The following SLC12A1 variants were observed in gnomAD, a reference collection of about 807,000 sequenced individuals.
SLC12A1 encodes the protein solute carrier family 12 member 1.
A neutral mutation model predicts 130.4 loss-of-function variants in SLC12A1; 89 were observed. The observed-to-expected ratio is 0.68, with a 90% CI of 0.58 to 0.81. SLC12A1 has a LOEUF of 0.81. Among genes scored for constraint, SLC12A1 ranks in the 40% least tolerant of loss-of-function variants. The pLI is 0.00. For synonymous variants in SLC12A1, 499 were observed against 460.0 expected (o/e 1.08, Z -1.09); for missense variants, 1,310 against 1,336.4 (o/e 0.98, Z 0.31).
At chr15:48,206,963 TGATGG>T (rs2140998010) in intron 1 of SLC12A1, among the ~76,000 whole-genome samples, 1 of 152,196 alleles carries the variant, frequency 6.6e-6, no homozygotes, top group East Asian at 1.9e-4. Context: ...GACATCATCT[TGATGG>T]GATGTATTTT....
intron 10 of SLC12A1, among the ~76,000 whole-genome samples, chr15:48,243,913 C>T (rs1248640681): frequency 6.6e-6 from 1 of 152,094 alleles, no homozygotes; most frequent in East Asian, 1.9e-4. Context: ...ATACTTCACA[C>T]GTATATTCAT....
chr15:48,263,941 C>T (rs2041803419), intron 17 of SLC12A1, among the ~76,000 whole-genome samples: 1 of 152,248 alleles, frequency 6.6e-6, no homozygotes, highest in South Asian at 2.1e-4. Flanking sequence ...GATTTGCCCT[C>T]CTCGACCTCC....
chr15:48,299,585 T>A (rs368381551), intron 25 of SLC12A1, among the ~76,000 whole-genome samples: 24 of 152,340 alleles, frequency 1.6e-4, no homozygotes, highest in South Asian at 1.4e-3. Context: ...TAAAATAATT[T>A]GAGTCAATAT....
rs538958602 is a variant in SLC12A1 at position 48,289,491 on chromosome 15, C to T, written c.2873+975C>T. ...ATAACAATGTATAACAATGTATATA[C>T]ACACACACAGTTATACACTGCTACA... On this transcript the variant is annotated intron_variant, in intron 23 of 26. Transcript: ENST00000380993. Among the ~76,000 whole-genome samples, 164 of 129,702 alleles carry T rather than the reference C, an allele frequency of 1.3e-3. 6 individuals are homozygous for T. In the East Asian group the frequency reaches 0.031, roughly 24 times the overall value. The allele number at this position is 129,702 out of a possible 152,430, so 85.1% of individuals were successfully genotyped here.
In SLC12A1 at chr15:48,249,628, G is replaced by T; in HGVS notation, c.1738G>T (p.Ala580Ser). Residue 580 changes from alanine (A) to serine (S), a missense_variant, in exon 14 of 27, where the codon GCA (alanine) becomes TCA (serine). Physicochemically the swap from Ala to Ser is moderately conservative, Grantham distance 99. Transcript: ENST00000380993. ...IISNFFLASY[A>S]LINFSCFHAS... ...CTCCAACTTTTTCCTGGCCTCATAT[G>T]CACTTATTAATTTCTCCTGCTTCCA... 1 of 1,613,898 alleles carries T rather than the reference G, an allele frequency of 6.2e-7. No individual in the cohort carries two copies.
intron 5 of SLC12A1, chr15:48,227,177 A>T: frequency 6.5e-7 from 1 of 1,534,418 alleles, no homozygotes; most frequent in Non-Finnish European, 8.8e-7. Flanking sequence ...AAGAGGAGGT[A>T]AGCCAATTAA....
Position 48,234,938 on chromosome 15 carries a change from C to G in SLC12A1, c.1149C>G (p.Val383=), listed in dbSNP as rs368339306. The stretch of plus-strand genomic sequence containing the variant: ...CAAAGGGTGAAGGCTTCTTCTCTGT[C>G]TTTGCCATTTTTTTCCCAGCAGCTA... ...RFTKGEGFFS[V]FAIFFPAATG... Residue 383 remains valine, a synonymous_variant, in exon 9 of 27, where the codon GTC becomes GTG. Transcript: ENST00000380993. 1 of 1,613,800 alleles carries G rather than the reference C, an allele frequency of 6.2e-7. No individual in the cohort carries two copies. The highest frequency in any genetic ancestry group is 1.1e-5 in the South Asian group (1 of 91,074).
chr15:48,266,809 A>T (rs2041836621), intron 17 of SLC12A1, among the ~76,000 whole-genome samples: 1 of 152,224 alleles, frequency 6.6e-6, no homozygotes, highest in African/African-American at 2.4e-5. Context: ...AAGGAAGGAG[A>T]AATAAAAATA....
chr15:48,220,616 G>C lies in SLC12A1; in HGVS notation c.421-18G>C. On this transcript the variant is annotated intron_variant, in intron 2 of 26. Transcript: ENST00000380993. ...TTCATTGACCAACTACTGTGTTTTTGCTATCTATAAAATGCAGAATGTGGC... is the reference window on the plus strand; with the variant it reads ...TTCATTGACCAACTACTGTGTTTTTCCTATCTATAAAATGCAGAATGTGGC... 1 of 1,607,352 alleles carries C rather than the reference G, an allele frequency of 6.2e-7. No individual in the cohort carries two copies. Among genetic ancestry groups the C allele is most frequent in the Non-Finnish European group, 8.5e-7 (1 of 1,176,552 alleles).
intron 13 of SLC12A1, among the ~76,000 whole-genome samples, chr15:48,249,042 A>AAAT (rs1015373680): frequency 5.9e-5 from 9 of 152,152 alleles, no homozygotes; most frequent in Admixed American, 3.9e-4. Context: ...CTCTATCTCA[A>AAAT]AATAATAATA....
chr15:48,229,793 T>C (rs1175289343), intron 6 of SLC12A1, among the ~76,000 whole-genome samples: 1 of 152,228 alleles, frequency 6.6e-6, no homozygotes, highest in East Asian at 1.9e-4. Flanking sequence ...AGGTGCCTAG[T>C]CTAGGATGTC....
rs80206045 is a variant in SLC12A1 at position 48,216,039 on chromosome 15, A to C, written c.421-4595A>C. ...ACTGTCAGACCTTAATAGTCAACAA[A>C]AGAAGTATACATTTGGGGTTTTTTT... On this transcript the variant is annotated intron_variant, in intron 2 of 26. Coordinates refer to ENST00000380993, the MANE Select transcript of SLC12A1 (RefSeq NM_000338.3). Among the ~76,000 whole-genome samples the C allele has an allele frequency of 5.9e-3, 900 of 152,314 alleles. 12 individuals carry two copies. The highest frequency in any genetic ancestry group is 0.021 in the African/African-American group (852 of 41,556).
Position 48,299,360 on chromosome 15 carries a change from ATATT to A in SLC12A1, c.3096+90_3096+93del, listed in dbSNP as rs1014399354. The A allele has an allele frequency of 2.3e-5, 27 of 1,157,268 alleles. No homozygotes were observed. The Admixed American group carries it at 9.7e-4, about 42-fold the overall frequency. 71.7% of individuals were successfully genotyped at this position (1,157,268 alleles called of 1,614,324 possible). A position where few individuals can be genotyped will look rare whatever the true frequency, so the allele number is the denominator to read the frequency against. On this transcript the variant is annotated intron_variant, in intron 25 of 26. Transcript: ENST00000380993. ...GTTGATTTAAAGACAAAGAAGCAAT[ATATT>A]TATTATCAAATGTCATTATTCAAGA...
At chr15:48,231,967 T>A (rs577375593) in intron 7 of SLC12A1, among the ~76,000 whole-genome samples, 1 of 152,114 alleles carries the variant, frequency 6.6e-6, no homozygotes, top group Non-Finnish European at 1.5e-5. Context: ...GCCGAGATCG[T>A]GCCATTGCAT....
At chr15:48,255,690 G>T in intron 15 of SLC12A1, 121 bp from the exon 16 acceptor site, 2 of 639,334 alleles carry the variant, frequency 3.1e-6, no homozygotes, top group Non-Finnish European at 5.5e-6. Context: ...CTCTAATTTG[G>T]GCACTCATCT....
At chr15:48,206,917 C>T (rs780431419) in intron 1 of SLC12A1, among the ~76,000 whole-genome samples, 3 of 152,018 alleles carry the variant, frequency 2.0e-5, no homozygotes, top group Non-Finnish European at 2.9e-5. Flanking sequence ...GCAAATGAAA[C>T]ATTTGGATCT....
intron 24 of SLC12A1, 106 bp from the exon 25 acceptor site, chr15:48,299,034 A>G: frequency 1.0e-6 from 1 of 956,066 alleles, no homozygotes; most frequent in South Asian, 1.6e-5. Flanking sequence ...TTTGCATGAT[A>G]TTCAGCTCTG....
rs186998633 is a variant in SLC12A1 at position 48,226,903 on chromosome 15, C to T, written c.724+332C>T. The T allele has an allele frequency of 3.7e-4, 221 of 600,528 alleles. 1 individual carries two copies. The highest frequency in any genetic ancestry group is 2.8e-3 in the Admixed American group (90 of 32,130). 37.2% of individuals were successfully genotyped at this position (600,528 alleles called of 1,614,324 possible). On this transcript the variant is annotated intron_variant, in intron 5 of 26. Coordinates refer to ENST00000380993, the MANE Select transcript of SLC12A1 (RefSeq NM_000338.3). ...ATTCCAGATTTGGCTTCTGTTTTAACGTTTAGTACATTTCAGGTGCTTCCT... is the reference window on the plus strand; with the variant it reads ...ATTCCAGATTTGGCTTCTGTTTTAATGTTTAGTACATTTCAGGTGCTTCCT...
intron 17 of SLC12A1, among the ~76,000 whole-genome samples, chr15:48,264,708 G>A (rs1416041801): frequency 1.3e-5 from 2 of 151,944 alleles, no homozygotes; most frequent in Non-Finnish European, 2.9e-5. Context: ...TGAAAACAAA[G>A]ACAGACTAAT....
Sources: allele counts gnomAD v4.1 joint callset (sites outside exome capture counted in the v4.1 genomes callset), GRCh38; gene constraint gnomAD v4.1.1; transcripts MANE v1.5; gene names NCBI Gene and HGNC (gene_info 2026-07-23, HGNC 2026-07-21).